Variants in FBXL17 observed in about 807,000 individuals in gnomAD.
FBXL17 encodes F-box and leucine rich repeat protein 17.
A neutral mutation model predicts 66.2 loss-of-function variants in FBXL17; 22 were observed. That is an observed-to-expected ratio of 0.33 (90% CI 0.24 to 0.47). FBXL17 has a LOEUF of 0.47. Among genes scored for constraint, FBXL17 ranks in the 20% least tolerant of loss-of-function variants. The probability of loss-of-function intolerance (pLI) is 1.00; values close to 1 mark genes in which losing one functional copy is unlikely to be tolerated. For missense variants in FBXL17, 878 were observed against 948.2 expected, an observed-to-expected ratio of 0.93 and a Z score of 0.97; for synonymous variants, 474 against 400.5, an observed-to-expected ratio of 1.18 and a Z score of -2.19.
chr5:107,980,662 A>T lies in FBXL17; in HGVS notation c.1822+40263T>A, dbSNP rs1184968939. On this transcript the variant is annotated intron_variant, in intron 7 of 8. Coordinates refer to ENST00000542267, the MANE Select transcript of FBXL17 (RefSeq NM_001163315.3). ...AATAAAATAATATATATATATATAT[A>T]TATTTTTTTTTTGAGATGGAGTCTT... Among the ~76,000 whole-genome samples, 103 of 65,786 alleles carry T rather than the reference A, an allele frequency of 1.6e-3. 8 individuals are homozygous for T. The highest frequency in any genetic ancestry group is 6.1e-3 in the Middle Eastern group (1 of 164). The allele number at this position is 65,786 out of a possible 152,430, so 43.2% of individuals were successfully genotyped here. A position where few individuals can be genotyped will look rare whatever the true frequency, so the allele number is the denominator to read the frequency against.
intron 5 of FBXL17, among the ~76,000 whole-genome samples, chr5:108,202,291 T>A (rs992819133): frequency 6.6e-6 from 1 of 152,144 alleles, no homozygotes; most frequent in Non-Finnish European, 1.5e-5. Flanking sequence ...ACCATTGAAG[T>A]TGCTGAAATG....
At chr5:108,206,886 T>C (rs1451644286) in intron 5 of FBXL17, among the ~76,000 whole-genome samples, 1 of 152,154 alleles carries the variant, frequency 6.6e-6, no homozygotes, top group Non-Finnish European at 1.5e-5. Context: ...TACCGAGTCG[T>C]GAAATGACTG....
chr5:107,879,983 A>G (rs1367942349), intron 8 of FBXL17: 3 of 810,254 alleles, frequency 3.7e-6, no homozygotes, highest in Non-Finnish European at 4.5e-6. Flanking sequence ...CACAATGCAA[A>G]TAACTATTTC....
At chr5:108,129,179 G>C (rs72789285) in intron 6 of FBXL17, among the ~76,000 whole-genome samples, 1 of 152,184 alleles carries the variant, frequency 6.6e-6, no homozygotes, top group Non-Finnish European at 1.5e-5. Flanking sequence ...GATGGAGCAC[G>C]TGAATTAAAA....
chr5:107,949,042 A>T (rs770710623), intron 7 of FBXL17, among the ~76,000 whole-genome samples: 6 of 152,166 alleles, frequency 3.9e-5, no homozygotes, highest in Non-Finnish European at 8.8e-5. Context: ...GAAGTCTTGC[A>T]CTTGGGGTCA....
At chr5:108,303,990 T>G (rs188015002) in intron 4 of FBXL17, among the ~76,000 whole-genome samples, 77 of 152,102 alleles carry the variant, frequency 5.1e-4, no homozygotes, top group African/African-American at 1.8e-3. Context: ...ATCAGTGAAC[T>G]AGTGGAAATC....
intron 8 of FBXL17, among the ~76,000 whole-genome samples, chr5:107,875,532 T>C (rs1176628171): frequency 6.6e-6 from 1 of 152,186 alleles, no homozygotes; most frequent in Non-Finnish European, 1.5e-5. Context: ...AACTTGGCCC[T>C]AGGTATTTTC....
chr5:107,912,174 T>C (rs759820582), intron 7 of FBXL17, among the ~76,000 whole-genome samples: 4 of 152,114 alleles, frequency 2.6e-5, no homozygotes, highest in Non-Finnish European at 5.9e-5. Flanking sequence ...ACAACTTTCT[T>C]TATCTGGAGT....
At chr5:108,340,018 A>C (rs1746771937) in intron 4 of FBXL17, among the ~76,000 whole-genome samples, 1 of 152,134 alleles carries the variant, frequency 6.6e-6, no homozygotes, top group Admixed American at 6.5e-5. Flanking sequence ...TGTCTTCCAT[A>C]CGACACTGGC....
At chr5:107,981,177 G>A (rs1752811398) in intron 7 of FBXL17, among the ~76,000 whole-genome samples, 1 of 152,122 alleles carries the variant, frequency 6.6e-6, no homozygotes. Flanking sequence ...GTGAGGAGGA[G>A]TTCAGCATGG....
chr5:108,042,317 T>A (rs1013417932), intron 6 of FBXL17, among the ~76,000 whole-genome samples: 2 of 152,200 alleles, frequency 1.3e-5, no homozygotes, highest in Non-Finnish European at 2.9e-5. Flanking sequence ...TAGTAGAATA[T>A]CACAAGCAGG....
At chr5:107,899,092 T>C (rs1749481155) in intron 7 of FBXL17, among the ~76,000 whole-genome samples, 1 of 152,200 alleles carries the variant, frequency 6.6e-6, no homozygotes, top group Admixed American at 6.5e-5. Flanking sequence ...ACCAACAGTG[T>C]AAAAGTGTTC....
chr5:108,351,730 C>T (rs571944169), intron 3 of FBXL17, among the ~76,000 whole-genome samples: 2 of 152,318 alleles, frequency 1.3e-5, no homozygotes, highest in South Asian at 2.1e-4. Context: ...AATTTGATAA[C>T]ATCCTGAGCA....
At chr5:108,371,912 A>G (rs957377427) in intron 1 of FBXL17, among the ~76,000 whole-genome samples, 5 of 152,110 alleles carry the variant, frequency 3.3e-5, no homozygotes, top group African/African-American at 1.2e-4. Context: ...TTAGCTCAAG[A>G]GCCCACTAGT....
intron 6 of FBXL17, among the ~76,000 whole-genome samples, chr5:108,031,161 A>AT (rs1746616957): frequency 6.6e-6 from 1 of 152,126 alleles, no homozygotes; most frequent in Non-Finnish European, 1.5e-5. Context: ...TGAGTTAGTA[A>AT]TTTAAGTTTG....
chr5:108,142,529 C>CA, intron 6 of FBXL17, among the ~76,000 whole-genome samples: 1 of 152,196 alleles, frequency 6.6e-6, no homozygotes, highest in East Asian at 1.9e-4. Flanking sequence ...CACCTCTGCC[C>CA]AAAAATGTTG....
intron 4 of FBXL17, among the ~76,000 whole-genome samples, chr5:108,279,538 T>C (rs551982865): frequency 4.8e-4 from 72 of 150,090 alleles, no homozygotes; most frequent in African/African-American, 1.8e-3. Flanking sequence ...ACCAACATCA[T>C]AGTCACATCT....
Position 108,381,005 on chromosome 5 carries a change from C to T in FBXL17, c.687G>A (p.Gly229=), listed in dbSNP as rs1580938517. The T allele has an allele frequency of 4.2e-6, 5 of 1,193,066 alleles. No homozygotes were observed. The highest frequency in any genetic ancestry group is 4.2e-6 in the Non-Finnish European group (4 of 963,300). 73.9% of individuals were successfully genotyped at this position (1,193,066 alleles called of 1,614,324 possible). ...GCGGGGGGGG[G]GGPAGGGASP... is the part of the protein sequence containing the mutation. ...AAGCGCCTCCCCCCGCAGGCCCTCC[C>T]CCGCCACCGCCGCCGCCGCCGCCGC... Residue 229 remains glycine (G), a synonymous_variant, in exon 1 of 9, where the codon GGG becomes GGA. Coordinates refer to ENST00000542267, the MANE Select transcript of FBXL17 (RefSeq NM_001163315.3).
chr5:108,236,511 TA>T (rs544705390), intron 4 of FBXL17, among the ~76,000 whole-genome samples: 89 of 138,128 alleles, frequency 6.4e-4, no homozygotes, highest in Admixed American at 1.1e-3. Flanking sequence ...AGACTCTGTC[TA>T]AAAAAAAAAA....
Sources: gnomAD v4.1 joint callset for allele counts (sites outside exome capture counted in the v4.1 genomes callset) on GRCh38, gnomAD v4.1.1 for gene constraint, MANE v1.5 for transcripts, NCBI Gene and HGNC (gene_info 2026-07-23, HGNC 2026-07-21) for gene names.